The following MON2 variants were observed in gnomAD, a reference collection of about 807,000 sequenced individuals.
The protein encoded by MON2 is protein MON2 homolog.
In MON2, 84 loss-of-function variants were observed where a neutral mutation model predicts 208.6. That is an observed-to-expected ratio of 0.40 (90% CI 0.34 to 0.48). MON2 has a LOEUF of 0.48. Among genes scored for constraint, MON2 ranks in the 20% least tolerant of loss-of-function variants. The pLI, the probability that MON2 is intolerant of heterozygous loss-of-function variation, is 0.59. For missense variants in MON2, 1,611 were observed against 2,015.4 expected (o/e 0.80, Z 3.84); for synonymous variants, 660 against 694.0 (o/e 0.95, Z 0.77).
At chr12:62,589,457 A>C (rs1458305022) in intron 34 of MON2, among the ~76,000 whole-genome samples, 2 of 152,160 alleles carry the variant, frequency 1.3e-5, no homozygotes, top group Non-Finnish European at 2.9e-5. Context: ...GTTAAAATTC[A>C]CCCATTGGTA....
chr12:62,549,677 G>A lies in MON2; in HGVS notation c.2763G>A (p.Leu921=). The A allele has an allele frequency of 6.3e-7, 1 of 1,592,460 alleles. No homozygotes were observed. The highest frequency in any genetic ancestry group is 8.5e-7 in the Non-Finnish European group (1 of 1,173,712). ...TTTCTTTTGTTTTCAGAGAATCCTT[G>A]ATACGAACTGCATTCCAGTGTCTTC... The part of the protein sequence containing the change: ...GAIRNDQGES[L]IRTAFQCLQL... The change falls in exon 23 of 35, where the codon TTG becomes TTA. Residue 921 remains leucine, a synonymous_variant. Transcript: ENST00000393630.
In MON2 at chr12:62,544,977, T is replaced by C; in HGVS notation, c.2546T>C (p.Phe849Ser). The C allele has an allele frequency of 2.4e-5, 38 of 1,601,718 alleles. No homozygotes were observed. The highest frequency in any genetic ancestry group is 3.2e-5 in the Non-Finnish European group (38 of 1,174,128). The change falls in exon 21 of 35, where the codon TTT becomes TCT. Residue 849 changes from phenylalanine to serine, a missense_variant. By Grantham distance (155) the Phe-to-Ser change is radical. Coordinates refer to ENST00000393630, the MANE Select transcript of MON2 (RefSeq NM_015026.3). ...LTSLIKAGLTFNHDPPLSQNQ... is the reference protein window; with the variant it reads ...LTSLIKAGLTSNHDPPLSQNQ... Reference sequence around the variant, plus strand: ...TCTCTTATTAAAGCAGGATTAACATTTAACCATGATCCTCCACTCTCACAA... The same window carrying C: ...TCTCTTATTAAAGCAGGATTAACATCTAACCATGATCCTCCACTCTCACAA...
intron 25 of MON2, 47 bp downstream of exon 25, chr12:62,556,239 G>C (rs1446650732): frequency 6.5e-7 from 1 of 1,539,052 alleles, no homozygotes; most frequent in Admixed American, 1.8e-5. Context: ...AATGTTAAAA[G>C]AAATTTGGAA....
At chr12:62,584,441 C>T (rs910029288) in intron 32 of MON2, among the ~76,000 whole-genome samples, 12 of 152,092 alleles carry the variant, frequency 7.9e-5, no homozygotes, top group Admixed American at 6.6e-4. Context: ...CCATGGCTCA[C>T]GCCTGTAATC....
intron 34 of MON2, among the ~76,000 whole-genome samples, chr12:62,592,035 T>G (rs1343649123): frequency 1.3e-5 from 2 of 152,162 alleles, no homozygotes; most frequent in Admixed American, 1.3e-4. Context: ...CCAGACATGG[T>G]TCCTCCCCAC....
intron 33 of MON2, among the ~76,000 whole-genome samples, chr12:62,586,089 C>G (rs1169985972): frequency 6.6e-6 from 1 of 152,194 alleles, no homozygotes; most frequent in Non-Finnish European, 1.5e-5. Flanking sequence ...GGAGTACAGA[C>G]CAGAATTCAA....
rs772997942 is a variant in MON2, at chr12:62,571,542, G to C, written c.4474G>C (p.Glu1492Gln). 1.2e-6 allele frequency: 2 copies of C among 1,613,024 alleles called. No individual in the cohort carries two copies. The highest frequency in any genetic ancestry group is 1.3e-5 in the African/African-American group (1 of 74,978). ...SSGKFDSMWP[E>Q]LANTFEDFLF... ...TGGAAAATTTGACAGTATGTGGCCAGAACTAGCCAATACTTTTGAAGATTT... is the reference window on the plus strand; with the variant it reads ...TGGAAAATTTGACAGTATGTGGCCACAACTAGCCAATACTTTTGAAGATTT... Residue 1492 changes from glutamate to glutamine, a missense_variant, in exon 30 of 35, where the codon GAA (glutamate) becomes CAA (glutamine). Glu to Gln is a conservative substitution (Grantham distance 29, BLOSUM62 2). Transcript: ENST00000393630.
intron 31 of MON2, 147 bp from the exon 32 acceptor site, chr12:62,580,150 T>C (rs1402272327): frequency 1.4e-6 from 1 of 730,614 alleles, no homozygotes; most frequent in African/African-American, 1.8e-5. Context: ...TCATTCTGTA[T>C]GTTAACATTA....
intron 4 of MON2, among the ~76,000 whole-genome samples, chr12:62,495,592 A>C (rs1409264238): frequency 6.7e-6 from 1 of 149,550 alleles, no homozygotes; most frequent in African/African-American, 2.5e-5. Flanking sequence ...CGGGAGGCTG[A>C]GGCAGGAGAA....
Position 62,585,423 on chromosome 12 carries a change from T to C in MON2, c.4829T>C (p.Val1610Ala). Residue 1610 changes from valine to alanine, a missense_variant, in exon 33 of 35, where the codon GTG (valine) becomes GCG (alanine). By Grantham distance (64) the Val-to-Ala change is moderately conservative (BLOSUM62 0). Coordinates refer to ENST00000393630, the MANE Select transcript of MON2 (RefSeq NM_015026.3). Reference protein sequence around the residue: ...EGYISRMALSVLLKRSQDVLH... With the variant: ...EGYISRMALSALLKRSQDVLH... ...TACATCTCACGAATGGCACTCTCAG[T>C]GCTTTTAAAGAGGTCCCAAGATGTA... The C allele has an allele frequency of 6.2e-7, 1 of 1,613,900 alleles. No individual in the cohort carries two copies. The highest frequency in any genetic ancestry group is 8.5e-7 in the Non-Finnish European group (1 of 1,179,818).
chr12:62,557,960 ATATTTTTTTT>A (rs1440537986), intron 25 of MON2, among the ~76,000 whole-genome samples: 2 of 24,472 alleles, frequency 8.2e-5, no homozygotes, highest in African/African-American at 5.2e-4. Context: ...ATATATATAT[ATATTTTTTTT>A]TTTTTTTTTT....
At position 62,592,843 on chromosome 12, in the gene MON2, A is replaced by C; in HGVS notation, c.*94A>C. ...GAGAAGGACATTTCTTACTGCAGATAATTCTTGGCAGCTGTTGTTGGCCTC... is the reference window on the plus strand; with the variant it reads ...GAGAAGGACATTTCTTACTGCAGATCATTCTTGGCAGCTGTTGTTGGCCTC... On this transcript the variant is annotated 3_prime_UTR_variant, in exon 35 of 35. Transcript: ENST00000393630. The C allele has an allele frequency of 8.0e-7, 1 of 1,251,598 alleles. No homozygotes were observed. The highest frequency in any genetic ancestry group is 1.1e-6 in the Non-Finnish European group (1 of 920,748). The allele number at this position is 1,251,598 out of a possible 1,614,324, so 77.5% of individuals were successfully genotyped here. A position where few individuals can be genotyped will look rare whatever the true frequency, so the allele number is the denominator to read the frequency against.
chr12:62,483,316 T>C (rs2069558104), intron 1 of MON2, among the ~76,000 whole-genome samples: 1 of 152,202 alleles, frequency 6.6e-6, no homozygotes. Context: ...TAAAATACTA[T>C]GTGACTTGCC....
chr12:62,512,512 C>T (rs2071458622), intron 8 of MON2, among the ~76,000 whole-genome samples: 1 of 152,200 alleles, frequency 6.6e-6, no homozygotes, highest in Non-Finnish European at 1.5e-5. Flanking sequence ...CCAGATCACA[C>T]CGATGCAAGA....
intron 2 of MON2, among the ~76,000 whole-genome samples, chr12:62,490,739 T>C (rs2070081499): frequency 6.6e-6 from 1 of 152,170 alleles, no homozygotes; most frequent in Admixed American, 6.5e-5. Flanking sequence ...AGATAACATA[T>C]AAACTTCCTT....
At chr12:62,472,417 CTCTT>C (rs1487286666) in intron 1 of MON2, among the ~76,000 whole-genome samples, 6 of 152,178 alleles carry the variant, frequency 3.9e-5, no homozygotes, top group Non-Finnish European at 5.9e-5. Context: ...TTCCTTTTCT[CTCTT>C]TTTAAATGAT....
At chr12:62,484,550 G>A (rs900560937) in intron 2 of MON2, among the ~76,000 whole-genome samples, 1 of 152,134 alleles carries the variant, frequency 6.6e-6, no homozygotes, top group African/African-American at 2.4e-5. Context: ...ACCATAAAAA[G>A]CATTCAGTAA....
intron 20 of MON2, among the ~76,000 whole-genome samples, chr12:62,544,543 G>A (rs1167538328): frequency 1.3e-5 from 2 of 152,120 alleles, no homozygotes; most frequent in East Asian, 3.8e-4. Context: ...TAAAGGCTAT[G>A]TGCAGATGCC....
intron 19 of MON2, 144 bp downstream of exon 19, chr12:62,538,649 T>C (rs1285777694): frequency 3.3e-6 from 2 of 612,336 alleles, no homozygotes; most frequent in Non-Finnish European, 5.6e-6. Flanking sequence ...CCACTTATCG[T>C]TATTTGTCGA....
Sources: allele counts gnomAD v4.1 joint callset (sites outside exome capture counted in the v4.1 genomes callset), GRCh38; gene constraint gnomAD v4.1.1; transcripts MANE v1.5; gene names NCBI Gene and HGNC (gene_info 2026-07-23, HGNC 2026-07-21).